The following SYT14 variants were observed in gnomAD, a reference collection of about 807,000 sequenced individuals.
SYT14 encodes the protein synaptotagmin 14.
SYT14 carries 32 observed loss-of-function variants against 74.2 expected under a neutral mutation model. The observed-to-expected ratio is 0.43, with a 90% CI of 0.33 to 0.58. The LOEUF is 0.58. Among genes scored for constraint, SYT14 ranks in the 20% least tolerant of loss-of-function variants. The probability of loss-of-function intolerance (pLI) is 0.05; values close to 1 mark genes in which losing one functional copy is unlikely to be tolerated. For missense variants in SYT14, 791 were observed against 981.8 expected (o/e 0.81, Z 2.60); for synonymous variants, 298 against 337.7 (o/e 0.88, Z 1.29).
At chr1:210,033,785 G>A (rs115370664) in intron 5 of SYT14, among the ~76,000 whole-genome samples, 2,432 of 151,750 alleles carry the variant, frequency 0.016, 77 homozygotes, top group African/African-American at 0.055. Flanking sequence ...AGTGAAAAAC[G>A]TATCATGGGA....
At chr1:209,940,329 ACATT>A (rs2078708641) in intron 1 of SYT14, among the ~76,000 whole-genome samples, 1 of 151,946 alleles carries the variant, frequency 6.6e-6, no homozygotes, top group Middle Eastern at 3.2e-3. Flanking sequence ...GTTTCTTAAA[ACATT>A]CAGTTTCTTC....
intron 8 of SYT14, among the ~76,000 whole-genome samples, chr1:210,157,982 A>G (rs1294291501): frequency 6.6e-6 from 1 of 152,176 alleles, no homozygotes; most frequent in Non-Finnish European, 1.5e-5. Flanking sequence ...GCTTAAATTC[A>G]TATTTCTACC....
intron 5 of SYT14, among the ~76,000 whole-genome samples, chr1:210,073,460 A>T (rs960772385): frequency 2.0e-5 from 3 of 152,084 alleles, no homozygotes; most frequent in African/African-American, 7.2e-5. Flanking sequence ...AAAATAAAAA[A>T]AATCCTCAGA....
intron 1 of SYT14, among the ~76,000 whole-genome samples, chr1:209,948,897 G>A (rs1160898208): frequency 1.3e-5 from 2 of 152,078 alleles, no homozygotes; most frequent in Non-Finnish European, 2.9e-5. Flanking sequence ...CATTTTGGGG[G>A]TGATTATTTA....
chr1:210,042,352 A>C (rs1451818343), intron 5 of SYT14, among the ~76,000 whole-genome samples: 2 of 152,230 alleles, frequency 1.3e-5, no homozygotes, highest in Non-Finnish European at 2.9e-5. Flanking sequence ...TTTGCTGTGC[A>C]GAAGCTCTTT....
intron 5 of SYT14, among the ~76,000 whole-genome samples, chr1:210,032,670 A>G (rs965330871): frequency 2.0e-5 from 3 of 149,564 alleles, no homozygotes; most frequent in Admixed American, 6.7e-5. Flanking sequence ...AAAAAAACCC[A>G]TCATTGAGAA....
chr1:210,159,826 T>C (rs1249242559), intron 9 of SYT14, among the ~76,000 whole-genome samples: 1 of 152,204 alleles, frequency 6.6e-6, no homozygotes, highest in African/African-American at 2.4e-5. Context: ...ATCAACATGC[T>C]GAAGATCATT....
chr1:210,157,755 AAAAT>A (rs2083296697), intron 8 of SYT14, among the ~76,000 whole-genome samples: 1 of 151,570 alleles, frequency 6.6e-6, no homozygotes, highest in East Asian at 1.9e-4. Flanking sequence ...AATAAAAATA[AAAAT>A]AAATAATAAT....
At chr1:210,168,279 A>G (rs1277483128) in exon 10 of SYT14, 1 of 152,204 alleles carries the variant, frequency 6.6e-6, no homozygotes, top group Non-Finnish European at 1.5e-5. Context: ...ATAGTTGTAC[A>G]AGATGTTTGA....
intron 7 of SYT14, among the ~76,000 whole-genome samples, chr1:210,128,993 A>T (rs1000047591): frequency 3.9e-5 from 6 of 152,168 alleles, no homozygotes; most frequent in African/African-American, 1.4e-4. Context: ...ATATTTAGCA[A>T]TGTATGTTCC....
intron 7 of SYT14, among the ~76,000 whole-genome samples, chr1:210,140,666 T>C (rs1480339678): frequency 6.6e-6 from 1 of 152,150 alleles, no homozygotes; most frequent in East Asian, 1.9e-4. Context: ...TCCATTTGAG[T>C]TGATTTTTTA....
At chr1:210,022,366 A>G (rs1029643836) in intron 5 of SYT14, among the ~76,000 whole-genome samples, 1 of 152,248 alleles carries the variant, frequency 6.6e-6, no homozygotes, top group African/African-American at 2.4e-5. Flanking sequence ...TCAAGGGAAG[A>G]AGTAAAAAAT....
At chr1:209,982,395 A>G (rs1004533622) in intron 2 of SYT14, among the ~76,000 whole-genome samples, 2 of 152,206 alleles carry the variant, frequency 1.3e-5, no homozygotes, top group African/African-American at 4.8e-5. Context: ...AGTTGAAGCA[A>G]TCCACCTGCC....
chr1:209,985,054 T>A (rs1277790369), intron 2 of SYT14, among the ~76,000 whole-genome samples: 4 of 152,160 alleles, frequency 2.6e-5, no homozygotes, highest in Non-Finnish European at 5.9e-5. Flanking sequence ...GCTATATCAT[T>A]CCACCCCTGG....
At chr1:209,958,554 A>C (rs1230319673) in intron 2 of SYT14, among the ~76,000 whole-genome samples, 1 of 152,120 alleles carries the variant, frequency 6.6e-6, no homozygotes, top group Non-Finnish European at 1.5e-5. Context: ...AATGCCTTTC[A>C]ATAAGGTTTT....
chr1:210,047,396 C>G (rs2080905760), intron 5 of SYT14, among the ~76,000 whole-genome samples: 1 of 151,584 alleles, frequency 6.6e-6, no homozygotes, highest in Non-Finnish European at 1.5e-5. Flanking sequence ...GAAGAATTTA[C>G]TTGATTTTAT....
At chr1:210,073,680 G>A (rs2081436059) in intron 5 of SYT14, among the ~76,000 whole-genome samples, 1 of 151,544 alleles carries the variant, frequency 6.6e-6, no homozygotes. Flanking sequence ...ATGGAGTTAT[G>A]TTTTGGGTTT....
intron 7 of SYT14, among the ~76,000 whole-genome samples, chr1:210,126,045 A>C (rs1022207596): frequency 6.6e-6 from 1 of 152,148 alleles, no homozygotes; most frequent in Non-Finnish European, 1.5e-5. Context: ...TCTACTAAAA[A>C]TACAAAAATT....
At chr1:210,103,089 T>G (rs1177647713) in intron 7 of SYT14, among the ~76,000 whole-genome samples, 1 of 152,154 alleles carries the variant, frequency 6.6e-6, no homozygotes, top group Admixed American at 6.6e-5. Context: ...TTAAAACACA[T>G]TTAAACTTAC....
Sources: gnomAD v4.1 joint callset for allele counts (sites outside exome capture counted in the v4.1 genomes callset) on GRCh38, gnomAD v4.1.1 for gene constraint, MANE v1.5 for transcripts, NCBI Gene and HGNC (gene_info 2026-07-23, HGNC 2026-07-21) for gene names.